The following SEZ6L variants were observed in gnomAD, a reference collection of about 807,000 sequenced individuals.
SEZ6L encodes seizure related 6 homolog like.
SEZ6L carries 37 observed loss-of-function variants against 106.2 expected under a neutral mutation model. That is an observed-to-expected ratio of 0.35 (90% CI 0.27 to 0.46). The LOEUF (loss-of-function observed/expected upper bound fraction) is 0.46, where lower values mean the gene tolerates loss of function less well. SEZ6L is among the 20% of genes least tolerant of loss of function. The probability of loss-of-function intolerance (pLI) is 1.00; values close to 1 mark genes in which losing one functional copy is unlikely to be tolerated. For missense variants in SEZ6L, 1,172 were observed against 1,332.8 expected, an observed-to-expected ratio of 0.88 and a Z score of 1.88; for synonymous variants, 541 against 570.4, an observed-to-expected ratio of 0.95 and a Z score of 0.73.
chr22:26,255,263 A>G lies in SEZ6L; in HGVS notation c.95-37143A>G, dbSNP rs528585015. ...CTTAAGACTTATCCGTCTAAGGCCC[A>G]GGCATCTGCATTTACAAACTTGCCT... On this transcript the variant is annotated intron_variant, in intron 1 of 16. Coordinates refer to ENST00000248933, the MANE Select transcript of SEZ6L (RefSeq NM_021115.5). Among the ~76,000 whole-genome samples the G allele has an allele frequency of 3.9e-5, 6 of 152,304 alleles. No homozygotes were observed. In the East Asian group the frequency reaches 1.2e-3, roughly 29 times the overall value.
chr22:26,181,012 G>A (rs1458492371), intron 1 of SEZ6L, among the ~76,000 whole-genome samples: 2 of 152,172 alleles, frequency 1.3e-5, no homozygotes, highest in East Asian at 1.9e-4. Flanking sequence ...GTGTCATGCT[G>A]GGGCAAGTCA....
At chr22:26,319,478 G>A (rs762298559) in intron 9 of SEZ6L, among the ~76,000 whole-genome samples, 6 of 152,118 alleles carry the variant, frequency 3.9e-5, no homozygotes, top group African/African-American at 7.2e-5. Context: ...CTCCAGCATC[G>A]CTTTATTCCT....
chr22:26,306,657 T>A (rs772754517), intron 6 of SEZ6L, among the ~76,000 whole-genome samples: 2 of 152,184 alleles, frequency 1.3e-5, no homozygotes, highest in Non-Finnish European at 2.9e-5. Context: ...ATGCATAGAA[T>A]CCAGAATATG....
chr22:26,299,680 T>C (rs1041066724), intron 5 of SEZ6L, among the ~76,000 whole-genome samples: 5 of 152,274 alleles, frequency 3.3e-5, no homozygotes, highest in African/African-American at 1.2e-4. Flanking sequence ...AGCTGAATAA[T>C]ATTCCATTGT....
At chr22:26,363,477 G>T (rs1226190166) in intron 12 of SEZ6L, among the ~76,000 whole-genome samples, 1 of 152,200 alleles carries the variant, frequency 6.6e-6, no homozygotes, top group Admixed American at 6.5e-5. Context: ...ACCAGGCATT[G>T]TACTGGGTAT....
intron 12 of SEZ6L, among the ~76,000 whole-genome samples, chr22:26,354,689 A>G (rs545916483): frequency 7.2e-5 from 11 of 152,202 alleles, no homozygotes; most frequent in Non-Finnish European, 1.5e-4. Flanking sequence ...AAAAAGAAAA[A>G]GCACTTCACC....
At chr22:26,337,674 G>A (rs992037950) in intron 9 of SEZ6L, among the ~76,000 whole-genome samples, 1 of 152,166 alleles carries the variant, frequency 6.6e-6, no homozygotes, top group East Asian at 1.9e-4. Flanking sequence ...AGGGGTTTAG[G>A]GGCTTCAATC....
chr22:26,228,427 G>A (rs1441523586), intron 1 of SEZ6L, among the ~76,000 whole-genome samples: 1 of 152,164 alleles, frequency 6.6e-6, no homozygotes, highest in Non-Finnish European at 1.5e-5. Context: ...CCAATGTCCT[G>A]TATGTGACAC....
At chr22:26,259,678 G>GT (rs2079936612) in intron 1 of SEZ6L, among the ~76,000 whole-genome samples, 1 of 152,198 alleles carries the variant, frequency 6.6e-6, no homozygotes, top group African/African-American at 2.4e-5. Flanking sequence ...TCCACCACGT[G>GT]AATAGCTCAA....
chr22:26,274,309 C>G (rs562436437), intron 1 of SEZ6L, among the ~76,000 whole-genome samples: 2 of 152,180 alleles, frequency 1.3e-5, no homozygotes, highest in East Asian at 3.9e-4. Flanking sequence ...GATATAGGAC[C>G]TTGGATATAG....
Position 26,381,037 on chromosome 22 carries a change from A to T in SEZ6L, c.*742A>T, listed in dbSNP as rs1208091427. The T allele has an allele frequency of 2.0e-5, 3 of 152,104 alleles. No homozygotes were observed. Among genetic ancestry groups the T allele is most frequent in the African/African-American group, 7.2e-5 (3 of 41,404 alleles). 9.4% of individuals were successfully genotyped at this position (152,104 alleles called of 1,614,324 possible). ...AATGAAGAATTGGGTGAGGGGGATCATTGGGTAAGGGAATTGGGTTAAAAT... is the reference window on the plus strand; with the variant it reads ...AATGAAGAATTGGGTGAGGGGGATCTTTGGGTAAGGGAATTGGGTTAAAAT... On this transcript the variant is annotated 3_prime_UTR_variant, in exon 17 of 17. Transcript: ENST00000248933.
chr22:26,226,825 A>AG (rs2078647917), intron 1 of SEZ6L, among the ~76,000 whole-genome samples: 1 of 152,194 alleles, frequency 6.6e-6, no homozygotes. Context: ...CTCAACTTGG[A>AG]TGCCCTTTTT....
At chr22:26,262,914 A>G (rs1315772956) in intron 1 of SEZ6L, among the ~76,000 whole-genome samples, 3 of 152,172 alleles carry the variant, frequency 2.0e-5, no homozygotes, top group African/African-American at 7.2e-5. Flanking sequence ...TTTTCAATTC[A>G]CAAAATTACT....
intron 1 of SEZ6L, among the ~76,000 whole-genome samples, chr22:26,231,243 A>G (rs1358042048): frequency 6.6e-6 from 1 of 152,198 alleles, no homozygotes; most frequent in Non-Finnish European, 1.5e-5. Context: ...AATTTCTAGG[A>G]TGAGGGTGGT....
At position 26,382,110 on chromosome 22, in the gene SEZ6L, GA is replaced by G. The variant is rs143254900; in HGVS notation, c.*1817del. Reference sequence around the variant, plus strand: ...AAAAGAATCTTGCACATATACTCCTGAAGGCATGAGTGTGTGGTCCATGGCA... The same window carrying G: ...AAAAGAATCTTGCACATATACTCCTGAGGCATGAGTGTGTGGTCCATGGCA... On this transcript the variant is annotated 3_prime_UTR_variant, in exon 17 of 17. Coordinates refer to ENST00000248933, the MANE Select transcript of SEZ6L (RefSeq NM_021115.5). 77,562 of 513,846 alleles carry G rather than the reference GA, an allele frequency of 0.15. 6,717 individuals are homozygous for G. Among genetic ancestry groups the G allele is most frequent in the Non-Finnish European group, 0.19 (49,550 of 257,558 alleles). 31.8% of individuals were successfully genotyped at this position (513,846 alleles called of 1,614,324 possible). A position where few individuals can be genotyped will look rare whatever the true frequency, so the allele number is the denominator to read the frequency against.
chr22:26,365,945 C>CT (rs1382999479), intron 13 of SEZ6L, among the ~76,000 whole-genome samples: 1 of 152,106 alleles, frequency 6.6e-6, no homozygotes, highest in Non-Finnish European at 1.5e-5. Context: ...GTCACCATGA[C>CT]TTTATGCACC....
At chr22:26,207,932 C>T (rs1337561672) in intron 1 of SEZ6L, among the ~76,000 whole-genome samples, 2 of 139,790 alleles carry the variant, frequency 1.4e-5, no homozygotes, top group African/African-American at 5.5e-5. Context: ...TTTTTTGAGA[C>T]GGAGTCTCGC....
At chr22:26,361,343 C>CAAAAAAAAAA (rs150251826) in intron 12 of SEZ6L, among the ~76,000 whole-genome samples, 56 of 133,390 alleles carry the variant, frequency 4.2e-4, no homozygotes, top group African/African-American at 1.5e-3. Context: ...ACTAAAAATA[C>CAAAAAAAAAA]AAAAACAAAA....
intron 1 of SEZ6L, among the ~76,000 whole-genome samples, chr22:26,219,254 G>GTGTTTT (rs1556124260): frequency 0.098 from 13,275 of 134,786 alleles, 1,137 homozygotes; most frequent in African/African-American, 0.17. Flanking sequence ...AGAAATACAA[G>GTGTTTT]TTTTTTTTTT....
Sources: gnomAD v4.1 joint callset for allele counts (sites outside exome capture counted in the v4.1 genomes callset) on GRCh38, gnomAD v4.1.1 for gene constraint, MANE v1.5 for transcripts, NCBI Gene and HGNC (gene_info 2026-07-23, HGNC 2026-07-21) for gene names.